LRP1B: variants seen among roughly 807,000 people sequenced by gnomAD.
LRP1B encodes LDL receptor related protein 1B, also known as low-density lipoprotein receptor-related protein 1B.
Under a neutral mutation model 556.6 loss-of-function variants are expected in LRP1B, and 217 were observed. The ratio of observed to expected loss-of-function variants is 0.39; its 90% CI spans 0.35 to 0.44. LRP1B has a LOEUF of 0.44. LRP1B is among the 20% of genes least tolerant of loss of function. The probability of loss-of-function intolerance (pLI) is 1.00; values close to 1 mark genes in which losing one functional copy is unlikely to be tolerated. For missense variants in LRP1B, 5,053 were observed against 5,620.8 expected, an observed-to-expected ratio of 0.90 and a Z score of 3.23; for synonymous variants, 2,047 against 1,865.8, an observed-to-expected ratio of 1.10 and a Z score of -2.50.
chr2:140,576,328 T>G (rs1681524501), intron 43 of LRP1B, among the ~76,000 whole-genome samples: 1 of 152,180 alleles, frequency 6.6e-6, no homozygotes, highest in African/African-American at 2.4e-5. Flanking sequence ...CTACTTCCTT[T>G]GGGAAAGCTT....
chr2:141,264,945 G>A (rs765355103), intron 3 of LRP1B, among the ~76,000 whole-genome samples: 7 of 152,144 alleles, frequency 4.6e-5, no homozygotes, highest in Non-Finnish European at 7.3e-5. Context: ...AGGCAGGGCC[G>A]GAGCCCCAGA....
Position 141,135,405 on chromosome 2 carries a change from G to A in LRP1B, c.1013+53016C>T, listed in dbSNP as rs544109737. Among the ~76,000 whole-genome samples, 12 of 151,956 alleles carry A rather than the reference G, an allele frequency of 7.9e-5. No homozygotes were observed. In the South Asian group the frequency reaches 1.5e-3, roughly 18 times the overall value. ...GGTGGCATTTTATATATAATTCCTA[G>A]GAAATAATGTGTTCTTAGCTACAAC... On this transcript the variant is annotated intron_variant, in intron 7 of 90. Coordinates refer to ENST00000389484, the MANE Select transcript of LRP1B (RefSeq NM_018557.3).
At chr2:140,968,072 T>C (rs1055510070) in intron 18 of LRP1B, among the ~76,000 whole-genome samples, 4 of 144,886 alleles carry the variant, frequency 2.8e-5, no homozygotes, top group African/African-American at 1.0e-4. Flanking sequence ...ATTCCCTCTT[T>C]TTCTATTGAT....
At chr2:141,526,725 G>C in intron 2 of LRP1B, among the ~76,000 whole-genome samples, 1 of 151,930 alleles carries the variant, frequency 6.6e-6, no homozygotes, top group East Asian at 1.9e-4. Context: ...TAGGTGTCTG[G>C]TAAAAGGGTA....
At chr2:142,100,370 G>C (rs1410729521) in intron 1 of LRP1B, among the ~76,000 whole-genome samples, 1 of 151,910 alleles carries the variant, frequency 6.6e-6, no homozygotes, top group Non-Finnish European at 1.5e-5. Context: ...ATTCCTTGGG[G>C]AGAAGCAACA....
chr2:141,063,425 T>C (rs1699394205), intron 7 of LRP1B, among the ~76,000 whole-genome samples: 1 of 151,910 alleles, frequency 6.6e-6, no homozygotes, highest in Non-Finnish European at 1.5e-5. Flanking sequence ...TAGTACAAGC[T>C]AGATTTTATT....
intron 25 of LRP1B, among the ~76,000 whole-genome samples, chr2:140,879,092 C>T (rs983895015): frequency 1.3e-5 from 2 of 151,866 alleles, no homozygotes; most frequent in Non-Finnish European, 2.9e-5. Context: ...GATAAGCCAC[C>T]AATAGATGTA....
At chr2:140,716,952 A>G in intron 35 of LRP1B, 136 bp from the exon 36 acceptor site, 4 of 416,786 alleles carry the variant, frequency 9.6e-6, no homozygotes, top group Non-Finnish European at 1.3e-5. Flanking sequence ...ATTCTTCAGG[A>G]TAATTTACTA....
chr2:141,558,313 TCTC>T (rs1434418156), intron 2 of LRP1B, among the ~76,000 whole-genome samples: 2 of 151,794 alleles, frequency 1.3e-5, no homozygotes, highest in Non-Finnish European at 2.9e-5. Flanking sequence ...CTGGTGGGCA[TCTC>T]CTCATCATTC....
intron 37 of LRP1B, among the ~76,000 whole-genome samples, chr2:140,709,480 AGAGGAGGAG>A (rs548380469): frequency 6.6e-6 from 1 of 151,106 alleles, no homozygotes; most frequent in Non-Finnish European, 1.5e-5. Flanking sequence ...AGGAAGAGGA[AGAGGAGGAG>A]GAGGAGGAGG....
intron 7 of LRP1B, among the ~76,000 whole-genome samples, chr2:141,119,948 T>C (rs1701004180): frequency 6.6e-6 from 1 of 151,884 alleles, no homozygotes; most frequent in South Asian, 2.1e-4. Flanking sequence ...TAGCAAATGA[T>C]TATCAAAAAT....
intron 7 of LRP1B, among the ~76,000 whole-genome samples, chr2:141,078,880 T>C (rs1525584): frequency 0.85 from 128,735 of 152,108 alleles, 54,850 homozygotes; most frequent in Non-Finnish European, 0.89. Context: ...TTGCCCTCTA[T>C]ATTACCATGA....
chr2:140,642,923 A>T lies in LRP1B; in HGVS notation c.6800-41284T>A, dbSNP rs146104907. Among the ~76,000 whole-genome samples the T allele has an allele frequency of 4.3e-3, 646 of 151,912 alleles. 4 individuals carry two copies. Among genetic ancestry groups the T allele is most frequent in the African/African-American group, 0.013 (555 of 41,426 alleles). Reference sequence around the variant, plus strand: ...AAACATTCACCTAATATCTTTTGTGACTCTCTGTTCATATGCACATATATA... The same window carrying T: ...AAACATTCACCTAATATCTTTTGTGTCTCTCTGTTCATATGCACATATATA... On this transcript the variant is annotated intron_variant, in intron 41 of 90. Transcript: ENST00000389484.
intron 7 of LRP1B, among the ~76,000 whole-genome samples, chr2:141,093,145 A>C (rs1250528193): frequency 6.6e-6 from 1 of 152,150 alleles, no homozygotes; most frequent in East Asian, 1.9e-4. Flanking sequence ...CAGTAAAAAA[A>C]GATAATTATA....
intron 53 of LRP1B, among the ~76,000 whole-genome samples, chr2:140,503,395 C>G (rs575916264): frequency 6.6e-6 from 1 of 152,030 alleles, no homozygotes; most frequent in Non-Finnish European, 1.5e-5. Flanking sequence ...TTATCTAGAT[C>G]ATAATATCTC....
intron 4 of LRP1B, among the ~76,000 whole-genome samples, chr2:141,251,186 A>C (rs1431397009): frequency 9.2e-5 from 14 of 152,170 alleles, no homozygotes; most frequent in Admixed American, 8.5e-4. Flanking sequence ...TAAAGAATAT[A>C]GAAGCTCTGA....
At chr2:141,948,733 A>G (rs1013376854) in intron 1 of LRP1B, among the ~76,000 whole-genome samples, 6 of 152,138 alleles carry the variant, frequency 3.9e-5, no homozygotes, top group Admixed American at 2.0e-4. Context: ...AGTGAAAATA[A>G]ATATGGTTGT....
intron 47 of LRP1B, among the ~76,000 whole-genome samples, chr2:140,527,879 TATA>T (rs1406354321): frequency 3.9e-5 from 6 of 152,026 alleles, no homozygotes; most frequent in African/African-American, 1.4e-4. Context: ...AAAGATTGCT[TATA>T]ATCTCTTTTT....
At chr2:141,027,853 C>T (rs576044810) in intron 11 of LRP1B, among the ~76,000 whole-genome samples, 1 of 152,140 alleles carries the variant, frequency 6.6e-6, no homozygotes, top group East Asian at 1.9e-4. Context: ...ATCCTTTTTC[C>T]TTCATGTGAG....
Sources: allele counts gnomAD v4.1 joint callset (sites outside exome capture counted in the v4.1 genomes callset), GRCh38; gene constraint gnomAD v4.1.1; transcripts MANE v1.5; gene names NCBI Gene and HGNC (gene_info 2026-07-23, HGNC 2026-07-21).